Variants in HMCN1 observed in about 807,000 individuals in gnomAD.
HMCN1 encodes hemicentin-1.
In HMCN1, 321 loss-of-function variants were observed where a neutral mutation model predicts 625.9. That is an observed-to-expected ratio of 0.51 (90% CI 0.47 to 0.56). HMCN1 has a LOEUF of 0.56. HMCN1 is among the 20% of genes least tolerant of loss of function. The pLI is 0.00. For synonymous variants in HMCN1, 2,425 were observed against 2,417.6 expected, an observed-to-expected ratio of 1.00 and a Z score of -0.09; for missense variants, 6,588 against 6,887.3, an observed-to-expected ratio of 0.96 and a Z score of 1.54.
chr1:186,129,186 C>T (rs752232785), intron 83 of HMCN1, among the ~76,000 whole-genome samples: 11 of 132,668 alleles, frequency 8.3e-5, no homozygotes, highest in Non-Finnish European at 1.5e-4. Context: ...ACTTAATATT[C>T]AGCAGTAAAA....
chr1:185,757,318 C>T (rs1463758694), intron 1 of HMCN1, among the ~76,000 whole-genome samples: 1 of 152,190 alleles, frequency 6.6e-6, no homozygotes, highest in Non-Finnish European at 1.5e-5. Flanking sequence ...TTCTGAGGGC[C>T]TGTGTGATCT....
chr1:186,186,174 T>C (rs1653289336), intron 105 of HMCN1, among the ~76,000 whole-genome samples: 1 of 152,166 alleles, frequency 6.6e-6, no homozygotes, highest in African/African-American at 2.4e-5. Flanking sequence ...TTAATCAGAT[T>C]TACCGTCAGA....
At chr1:186,022,851 G>T (rs1028971834) in intron 35 of HMCN1, among the ~76,000 whole-genome samples, 179 bp from the exon 36 acceptor site, 2 of 151,996 alleles carry the variant, frequency 1.3e-5, no homozygotes, top group Non-Finnish European at 2.9e-5. Context: ...AATCAAACTA[G>T]TCTATTGTCT....
intron 97 of HMCN1, among the ~76,000 whole-genome samples, chr1:186,162,617 GT>G (rs1651577855): frequency 1.3e-5 from 2 of 152,286 alleles, no homozygotes; most frequent in Middle Eastern, 3.4e-3. Context: ...CTGTTTGTTA[GT>G]TTTCCTTCTA....
chr1:186,019,767 T>G (rs576409149), intron 35 of HMCN1, 72 bp downstream of exon 35: 28 of 1,304,612 alleles, frequency 2.1e-5, no homozygotes, highest in Non-Finnish European at 3.0e-5. Flanking sequence ...AAGTTATTCT[T>G]TCTTAACTGT....
intron 97 of HMCN1, 47 bp downstream of exon 97, chr1:186,154,034 A>G: frequency 6.7e-7 from 1 of 1,499,944 alleles, no homozygotes; most frequent in African/African-American, 1.4e-5. Flanking sequence ...TCCAGTCTAA[A>G]GGGTTAAAAA....
At chr1:186,154,471 G>A (rs530157650) in intron 97 of HMCN1, among the ~76,000 whole-genome samples, 3 of 152,062 alleles carry the variant, frequency 2.0e-5, no homozygotes, top group African/African-American at 4.8e-5. Flanking sequence ...GCAGTGAGCC[G>A]AGATCACGCC....
Position 186,046,004 on chromosome 1 carries a change from G to C in HMCN1, c.6480+141G>C, listed in dbSNP as rs945090437. ...ATTCTAGGAACCCTTTTATTGATGA[G>C]GTTTGTAATATTTAAAAATTTTTTT... On this transcript the variant is annotated intron_variant, in intron 41 of 106. Transcript: ENST00000271588. 8.0e-6 allele frequency: 5 copies of C among 628,462 alleles called. No homozygotes were observed. The African/African-American group carries it at 9.3e-5, about 12-fold the overall frequency. The allele number at this position is 628,462 out of a possible 1,614,324, so 38.9% of individuals were successfully genotyped here.
In HMCN1 at chr1:186,177,050, A is replaced by G. The variant is rs1166400753; in HGVS notation, c.15944-1366A>G. The stretch of plus-strand genomic sequence containing the variant: ...CTGGGCGTGGTGGGACACACCTGTA[A>G]TCCCAGCACTTTGGGAGGTCGAGGC... On this transcript the variant is annotated intron_variant, in intron 103 of 106. Coordinates refer to ENST00000271588, the MANE Select transcript of HMCN1 (RefSeq NM_031935.3). The G allele has an allele frequency of 4.2e-5, 6 of 142,778 alleles. 1 individual carries two copies. In the East Asian group the frequency reaches 9.9e-4, roughly 24 times the overall value. 8.8% of individuals were successfully genotyped at this position (142,778 alleles called of 1,614,324 possible).
At chr1:185,919,968 A>T (rs1666919775) in intron 6 of HMCN1, among the ~76,000 whole-genome samples, 1 of 152,188 alleles carries the variant, frequency 6.6e-6, no homozygotes, top group African/African-American at 2.4e-5. Flanking sequence ...TCATACACAA[A>T]ACCTGTTTGT....
intron 3 of HMCN1, 104 bp downstream of exon 3, chr1:185,864,732 C>T: frequency 9.9e-7 from 1 of 1,011,004 alleles, no homozygotes; most frequent in Non-Finnish European, 1.5e-6. Flanking sequence ...ATAATTATAA[C>T]TATCTATCCA....
At chr1:186,101,480 T>G (rs1471574513) in intron 68 of HMCN1, among the ~76,000 whole-genome samples, 1 of 152,166 alleles carries the variant, frequency 6.6e-6, no homozygotes, top group Non-Finnish European at 1.5e-5. Flanking sequence ...GTTTATTTGA[T>G]AATTGCATTT....
chr1:186,177,934 C>T (rs1469785938), intron 103 of HMCN1, among the ~76,000 whole-genome samples: 3 of 151,718 alleles, frequency 2.0e-5, no homozygotes, highest in Non-Finnish European at 4.4e-5. Flanking sequence ...TTTAAGATGT[C>T]TCTGCCTAGT....
At chr1:186,025,488 G>A (rs1422705546) in intron 36 of HMCN1, among the ~76,000 whole-genome samples, 1 of 152,184 alleles carries the variant, frequency 6.6e-6, no homozygotes, top group African/African-American at 2.4e-5. Context: ...TAGTCTGTGA[G>A]CCCGTGTTTG....
At chr1:185,858,233 G>C (rs931634287) in intron 2 of HMCN1, among the ~76,000 whole-genome samples, 3 of 152,016 alleles carry the variant, frequency 2.0e-5, no homozygotes, top group Non-Finnish European at 2.9e-5. Context: ...GACATTTATT[G>C]AATTAACACA....
intron 1 of HMCN1, among the ~76,000 whole-genome samples, chr1:185,777,057 C>T (rs981761722): frequency 6.6e-6 from 1 of 152,172 alleles, no homozygotes; most frequent in African/African-American, 2.4e-5. Context: ...TCGCTAGATC[C>T]ATACAGGACA....
chr1:185,914,176 A>G (rs1666576441), intron 6 of HMCN1, among the ~76,000 whole-genome samples: 1 of 152,170 alleles, frequency 6.6e-6, no homozygotes, highest in African/African-American at 2.4e-5. Flanking sequence ...TGAAATACCA[A>G]AAGAATGTAT....
chr1:185,804,604 G>A (rs1659048407), intron 1 of HMCN1, among the ~76,000 whole-genome samples: 1 of 152,118 alleles, frequency 6.6e-6, no homozygotes, highest in Non-Finnish European at 1.5e-5. Flanking sequence ...TCAACTCAAA[G>A]CTTTTAGGTT....
intron 57 of HMCN1, among the ~76,000 whole-genome samples, chr1:186,084,062 A>G (rs1659328784): frequency 6.6e-6 from 1 of 152,108 alleles, no homozygotes; most frequent in Non-Finnish European, 1.5e-5. Flanking sequence ...GGCAAAATTC[A>G]TTTTTCCTTC....
Sources: gnomAD v4.1 joint callset for allele counts (sites outside exome capture counted in the v4.1 genomes callset) on GRCh38, gnomAD v4.1.1 for gene constraint, MANE v1.5 for transcripts, NCBI Gene and HGNC (gene_info 2026-07-23, HGNC 2026-07-21) for gene names.